Variants in TET3 observed in about 807,000 individuals in gnomAD.
TET3 encodes methylcytosine dioxygenase TET3.
Under a neutral mutation model 141.4 loss-of-function variants are expected in TET3, and 19 were observed. That is an observed-to-expected ratio of 0.13 (90% confidence interval 0.09 to 0.20). TET3 has a LOEUF of 0.20. Among genes scored for constraint, TET3 ranks in the 10% least tolerant of loss-of-function variants. The pLI is 1.00. For missense variants in TET3, 1,874 were observed against 2,356.9 expected (o/e 0.80, Z 4.24); for synonymous variants, 1,043 against 980.9 (o/e 1.06, Z -1.18).
chr2:73,992,608 C>G lies in TET3; in HGVS notation c.303+5902C>G, dbSNP rs1258133141. ...GGATTACAGGCGTGAGCCACTGTGCCCGGCCCTTGTTGTTTTTTTAAATAG... is the reference window on the plus strand; with the variant it reads ...GGATTACAGGCGTGAGCCACTGTGCGCGGCCCTTGTTGTTTTTTTAAATAG... On this transcript the variant is annotated intron_variant, in intron 2 of 11. Coordinates refer to ENST00000409262, the MANE Select transcript of TET3 (RefSeq NM_001287491.2). 2.0e-5 allele frequency among the ~76,000 whole-genome samples: 3 copies of G among 152,158 alleles called. No individual in the cohort carries two copies. The East Asian group carries it at 5.8e-4, about 29-fold the overall frequency.
At chr2:74,111,996 C>G (rs898313967), downstream of TET3, among the ~76,000 whole-genome samples, 5 of 152,178 alleles carry the variant, frequency 3.3e-5, no homozygotes, top group African/African-American at 1.2e-4. Flanking sequence ...GCATCTTCAA[C>G]AGGTATTGTT....
intron 1 of TET3, 61 bp downstream of exon 1, chr2:73,985,218 G>GGGCCC (rs1265103677): frequency 2.1e-5 from 3 of 143,512 alleles, no homozygotes; most frequent in Non-Finnish European, 4.7e-5. Flanking sequence ...GAGGCGCGGG[G>GGGCCC]GGCCCGGCCC....
At chr2:74,014,501 C>A (rs1271563630) in intron 3 of TET3, among the ~76,000 whole-genome samples, 1 of 152,094 alleles carries the variant, frequency 6.6e-6, no homozygotes, top group African/African-American at 2.4e-5. Flanking sequence ...TCTAAACCCC[C>A]AAATAGGGAC....
At chr2:74,074,454 T>C (rs1689379764) in intron 5 of TET3, among the ~76,000 whole-genome samples, 1 of 152,220 alleles carries the variant, frequency 6.6e-6, no homozygotes, top group Non-Finnish European at 1.5e-5. Flanking sequence ...GACTCTAGGG[T>C]TTCTGTTTAC....
At chr2:74,042,427 A>C (rs60232103) in intron 3 of TET3, among the ~76,000 whole-genome samples, 1,906 of 152,348 alleles carry the variant, frequency 0.013, 39 homozygotes, top group African/African-American at 0.043. Context: ...AGTTACAGAC[A>C]TAGTTGCCCA....
chr2:74,096,437 T>C (rs1218339224), intron 10 of TET3, among the ~76,000 whole-genome samples: 1 of 152,174 alleles, frequency 6.6e-6, no homozygotes, highest in Non-Finnish European at 1.5e-5. Flanking sequence ...GAAAGGCCAA[T>C]ACAAACTGGA....
At chr2:73,986,768 C>G in intron 2 of TET3, 62 bp downstream of exon 2, 1 of 1,219,444 alleles carries the variant, frequency 8.2e-7, no homozygotes, top group Non-Finnish European at 1.0e-6. Context: ...TCACGGGGGT[C>G]TTGTTCAAGC....
chr2:74,046,678 A>T lies in TET3; in HGVS notation c.761A>T (p.Asp254Val). ...TGCTCTGCTGGCAGCGAAGACCTTG[A>T]CACACTGCAGACGGCCCTGGCCCTC... is the stretch of plus-strand genomic sequence containing the variant. Reference protein sequence around the residue: ...EGCSAGSEDLDTLQTALALAR... With the variant: ...EGCSAGSEDLVTLQTALALAR... The change falls in exon 4 of 12, where the codon GAC becomes GTC. Residue 254 changes from aspartate to valine, a missense_variant. Physicochemically the swap from Asp to Val is radical, Grantham distance 152 (BLOSUM62 -3). This residue lies in a region of TET3 where 366 missense variants were observed against 487.0 expected (regional missense o/e 0.75). Transcript: ENST00000409262. This position sits in a 1 kb window ranked among gnomAD's most constrained non-coding sequence, Gnocchi z 4.3. The T allele has an allele frequency of 6.2e-7, 1 of 1,614,042 alleles. No individual in the cohort carries two copies. The highest frequency in any genetic ancestry group is 8.5e-7 in the Non-Finnish European group (1 of 1,179,886).
In TET3 at chr2:74,028,942, C is replaced by T. The variant is rs1389633119; in HGVS notation, c.361-17336C>T. 3.9e-5 allele frequency among the ~76,000 whole-genome samples: 6 copies of T among 152,192 alleles called. No homozygotes were observed. The East Asian group carries it at 1.2e-3, about 29-fold the overall frequency. On this transcript the variant is annotated intron_variant, in intron 3 of 11. Coordinates refer to ENST00000409262, the MANE Select transcript of TET3 (RefSeq NM_001287491.2). ...GTCCATAGATCACACTTACAGGAGT[C>T]CTGGCCAAGACTCAGCTGGCCATGC...
intron 4 of TET3, 41 bp from the exon 5 acceptor site, chr2:74,073,508 A>G: frequency 4.8e-6 from 7 of 1,472,508 alleles, no homozygotes; most frequent in Non-Finnish European, 5.6e-6. Context: ...AATATTGACT[A>G]ATTGATATTC....
At chr2:73,992,092 C>G (rs1417584144) in intron 2 of TET3, among the ~76,000 whole-genome samples, 1 of 152,042 alleles carries the variant, frequency 6.6e-6, no homozygotes, top group African/African-American at 2.4e-5. Context: ...ATAACAATGT[C>G]TTGTATATGG....
At chr2:74,098,100 A>C (rs1690953677) in intron 10 of TET3, among the ~76,000 whole-genome samples, 1 of 152,230 alleles carries the variant, frequency 6.6e-6, no homozygotes, top group African/African-American at 2.4e-5. Context: ...AATATAGGAA[A>C]GTTGAAACAC....
intron 3 of TET3, among the ~76,000 whole-genome samples, chr2:74,012,274 A>G (rs1685477446): frequency 1.3e-5 from 2 of 152,140 alleles, no homozygotes; most frequent in East Asian, 3.9e-4. Context: ...CTCAGGCCCC[A>G]TTAGTCATTG....
rs539780098 is a variant in TET3 at position 74,058,525 on chromosome 2, A to T, written c.2494+10114A>T. Among the ~76,000 whole-genome samples, 117 of 131,954 alleles carry T rather than the reference A, an allele frequency of 8.9e-4. 1 individual carries two copies. In the South Asian group the frequency reaches 0.015, roughly 17 times the overall value. The allele number at this position is 131,954 out of a possible 152,430, so 86.6% of individuals were successfully genotyped here. A position where few individuals can be genotyped will look rare whatever the true frequency, so the allele number is the denominator to read the frequency against. ...AGGGTGAAGAATCACCTACAAGTTT[A>T]AAAAAAAAAAAAGTTGGTCACCTAT... On this transcript the variant is annotated intron_variant, in intron 4 of 11. Coordinates refer to ENST00000409262, the MANE Select transcript of TET3 (RefSeq NM_001287491.2).
rs183319005 is a variant in TET3 at position 74,056,617 on chromosome 2, T to C, written c.2494+8206T>C. Among the ~76,000 whole-genome samples, 11 of 152,212 alleles carry C rather than the reference T, an allele frequency of 7.2e-5. No homozygotes were observed. The East Asian group carries it at 2.1e-3, about 29-fold the overall frequency. On this transcript the variant is annotated intron_variant, in intron 4 of 11. Transcript: ENST00000409262. ...AAAATAGATCTTTCTTTAAGAAGAG[T>C]TGAGCCATTTCCCAGCGATGCCACT...
At chr2:74,060,551 A>T (rs1688448669) in intron 4 of TET3, among the ~76,000 whole-genome samples, 1 of 151,680 alleles carries the variant, frequency 6.6e-6, no homozygotes. Context: ...TTTATTGATC[A>T]TTCTTGGGTG....
intron 3 of TET3, among the ~76,000 whole-genome samples, chr2:74,019,086 T>A (rs997668249): frequency 1.3e-5 from 2 of 151,972 alleles, no homozygotes; most frequent in Non-Finnish European, 2.9e-5. Flanking sequence ...CCGCCAACCC[T>A]CATCTCTACA....
intron 3 of TET3, among the ~76,000 whole-genome samples, chr2:74,035,045 A>G (rs1232542883): frequency 6.6e-6 from 1 of 150,576 alleles, no homozygotes; most frequent in Non-Finnish European, 1.5e-5. Flanking sequence ...ACAAAAAAAA[A>G]AAAAAAATCA....
the TET3 span, among the ~76,000 whole-genome samples, chr2:74,129,912 GGT>G: frequency 6.6e-6 from 1 of 151,860 alleles, no homozygotes; most frequent in African/African-American, 2.4e-5. Flanking sequence ...TGGCCAACAT[GGT>G]GAAACCCCAT....
Sources: allele counts gnomAD v4.1 joint callset (sites outside exome capture counted in the v4.1 genomes callset), GRCh38; gene constraint gnomAD v4.1.1; regional missense constraint gnomAD v4.1.1; non-coding constraint Gnocchi (gnomAD v3.1); transcripts MANE v1.5; gene names NCBI Gene and HGNC (gene_info 2026-07-23, HGNC 2026-07-21).